Variants in GABRG3 observed in about 807,000 individuals in gnomAD.
GABRG3 encodes the protein gamma-aminobutyric acid receptor subunit gamma-3.
A neutral mutation model predicts 48.8 loss-of-function variants in GABRG3; 25 were observed. The ratio of observed to expected loss-of-function variants is 0.51; its 90% CI spans 0.37 to 0.72. The LOEUF is 0.72. Ranked by LOEUF, GABRG3 falls within the 30% of genes least tolerant of loss-of-function variation. The probability of loss-of-function intolerance (pLI) is 0.00; values close to 1 mark genes in which losing one functional copy is unlikely to be tolerated. For missense variants in GABRG3, 394 were observed against 577.9 expected (o/e 0.68, Z 3.26); for synonymous variants, 227 against 217.6 (o/e 1.04, Z -0.38).
intron 5 of GABRG3, among the ~76,000 whole-genome samples, chr15:27,403,581 A>T (rs958930053): frequency 6.6e-6 from 1 of 152,144 alleles, no homozygotes; most frequent in African/African-American, 2.4e-5. Flanking sequence ...AACTCAGAGG[A>T]TGGAATTCAG....
intron 3 of GABRG3, among the ~76,000 whole-genome samples, chr15:27,168,416 C>T (rs753419687): frequency 3.9e-5 from 6 of 152,170 alleles, no homozygotes; most frequent in East Asian, 3.9e-4. Flanking sequence ...AAGGGCACAA[C>T]GTTCAGTTGT....
At chr15:27,438,047 A>G (rs1186211202) in intron 5 of GABRG3, among the ~76,000 whole-genome samples, 1 of 152,192 alleles carries the variant, frequency 6.6e-6, no homozygotes, top group African/African-American at 2.4e-5. Context: ...GCAGGCCCCA[A>G]CATTGGGGAT....
At chr15:27,485,301 GAA>G (rs1890194821) in intron 6 of GABRG3, among the ~76,000 whole-genome samples, 3 of 152,160 alleles carry the variant, frequency 2.0e-5, no homozygotes, top group African/African-American at 7.2e-5. Context: ...ATCTCAGAGA[GAA>G]AGGAAGGAAA....
At chr15:27,150,084 C>T (rs1898282616) in intron 3 of GABRG3, among the ~76,000 whole-genome samples, 1 of 152,198 alleles carries the variant, frequency 6.6e-6, no homozygotes. Flanking sequence ...ACCCCTTACT[C>T]CTCCTTCCTG....
At chr15:27,419,055 T>C (rs1206154166) in intron 5 of GABRG3, 1 of 152,220 alleles carries the variant, frequency 6.6e-6, no homozygotes, top group Admixed American at 6.5e-5. Context: ...CCTCTCCTAA[T>C]GTGAATATAT....
intron 3 of GABRG3, among the ~76,000 whole-genome samples, chr15:27,145,611 A>ATC (rs140254981): frequency 1.4e-4 from 17 of 123,320 alleles, no homozygotes; most frequent in South Asian, 1.3e-3. Flanking sequence ...ATCTCTATCT[A>ATC]TCTATCTATC....
At chr15:27,314,543 A>G (rs1479504030) in intron 3 of GABRG3, among the ~76,000 whole-genome samples, 3 of 152,330 alleles carry the variant, frequency 2.0e-5, no homozygotes, top group South Asian at 2.1e-4. Context: ...CATATAATCC[A>G]GCAATTCCAG....
chr15:27,102,097 T>C (rs1897371438), intron 3 of GABRG3, among the ~76,000 whole-genome samples: 1 of 152,154 alleles, frequency 6.6e-6, no homozygotes, highest in Non-Finnish European at 1.5e-5. Flanking sequence ...TGGACTCCCC[T>C]GATGTGGGAT....
At position 27,523,634 on chromosome 15, in the gene GABRG3, G is replaced by A. The variant is rs574373826; in HGVS notation, c.865+3510G>A. On this transcript the variant is annotated intron_variant, in intron 7 of 9. Transcript: ENST00000615808. ...GAATGCACACATGCTTCAACTAAAT[G>A]AAAAAATAGAAAAGCTCCACAAAGA... 2.7e-3 allele frequency among the ~76,000 whole-genome samples: 417 copies of A among 151,654 alleles called. 3 individuals are homozygous for A. The highest frequency in any genetic ancestry group is 0.014 in the Middle Eastern group (4 of 294).
At chr15:27,308,350 TACGTTTATATATAAAC>T (rs1892805746) in intron 3 of GABRG3, among the ~76,000 whole-genome samples, 2 of 112,400 alleles carry the variant, frequency 1.8e-5, no homozygotes, top group African/African-American at 6.7e-5. Flanking sequence ...AATATAAACA[TACGTTTATATATAAAC>T]ATATAAACAT....
intron 4 of GABRG3, among the ~76,000 whole-genome samples, chr15:27,328,128 C>CAA (rs1893680467): frequency 8.1e-6 from 1 of 122,748 alleles, no homozygotes; most frequent in African/African-American, 5.0e-5. Context: ...AAAAAAAAAA[C>CAA]CAAAAAAAAA....
chr15:27,265,881 G>GT lies in GABRG3; in HGVS notation c.271-60928_271-60927insT, dbSNP rs147459440. Among the ~76,000 whole-genome samples the GT allele has an allele frequency of 4.8e-5, 6 of 124,816 alleles. 1 individual carries two copies. Among genetic ancestry groups the GT allele is most frequent in the Admixed American group, 1.6e-4 (2 of 12,280 alleles). The allele number at this position is 124,816 out of a possible 152,430, so 81.9% of individuals were successfully genotyped here. On this transcript the variant is annotated intron_variant, in intron 3 of 9. Transcript: ENST00000615808. ...TGCAAGGTCAAGAAGATTTTCTCCT[G>GT]GTTTTTTTTTTTTTTTGAGAGTGAC...
At chr15:27,517,574 A>G (rs1156816630) in intron 6 of GABRG3, among the ~76,000 whole-genome samples, 1 of 152,194 alleles carries the variant, frequency 6.6e-6, no homozygotes, top group South Asian at 2.1e-4. Context: ...CTTTCTGTTT[A>G]TCTTGTCAGT....
At chr15:27,435,044 T>G (rs919824101) in intron 5 of GABRG3, among the ~76,000 whole-genome samples, 1 of 151,986 alleles carries the variant, frequency 6.6e-6, no homozygotes, top group African/African-American at 2.4e-5. Flanking sequence ...CTCACTCCCC[T>G]CTCTTTCTGG....
chr15:27,160,008 C>T (rs1887115780), intron 3 of GABRG3, among the ~76,000 whole-genome samples: 1 of 152,156 alleles, frequency 6.6e-6, no homozygotes, highest in Non-Finnish European at 1.5e-5. Context: ...CCCATTCCCA[C>T]AGGGCTGCCT....
intron 3 of GABRG3, among the ~76,000 whole-genome samples, chr15:27,039,793 G>A (rs1421775105): frequency 3.9e-5 from 6 of 152,184 alleles, no homozygotes; most frequent in African/African-American, 1.4e-4. Context: ...CGGTGTGCAG[G>A]AGGCACCCCT....
intron 3 of GABRG3, among the ~76,000 whole-genome samples, chr15:27,202,198 T>C (rs1431203749): frequency 1.3e-5 from 2 of 152,234 alleles, no homozygotes; most frequent in Non-Finnish European, 1.5e-5. Context: ...CAAAGACATA[T>C]ACCCATATAT....
intron 2 of GABRG3, 119 bp downstream of exon 2, chr15:26,977,269 T>C: frequency 9.7e-7 from 1 of 1,030,164 alleles, no homozygotes; most frequent in Non-Finnish European, 1.4e-6. Flanking sequence ...AGGTTTCCTG[T>C]ACTTGTCACA....
intron 3 of GABRG3, among the ~76,000 whole-genome samples, chr15:27,204,531 G>A (rs1054188516): frequency 1.3e-5 from 2 of 151,884 alleles, no homozygotes; most frequent in Non-Finnish European, 2.9e-5. Flanking sequence ...CTCTTTTTTG[G>A]TTCCAAATGA....
Sources: gnomAD v4.1 joint callset for allele counts (sites outside exome capture counted in the v4.1 genomes callset) on GRCh38, gnomAD v4.1.1 for gene constraint, MANE v1.5 for transcripts, NCBI Gene and HGNC (gene_info 2026-07-23, HGNC 2026-07-21) for gene names.